The following ARHGAP26 variants were observed in gnomAD, a reference collection of about 807,000 sequenced individuals.
The protein encoded by ARHGAP26 is rho GTPase-activating protein 26.
ARHGAP26 carries 38 observed loss-of-function variants against 104.8 expected under a neutral mutation model. That is an observed-to-expected ratio of 0.36 (90% CI 0.28 to 0.48). The LOEUF (loss-of-function observed/expected upper bound fraction) is 0.48, where lower values mean the gene tolerates loss of function less well. Among genes scored for constraint, ARHGAP26 ranks in the 20% least tolerant of loss-of-function variants. The probability of loss-of-function intolerance (pLI) is 0.99; values close to 1 mark genes in which losing one functional copy is unlikely to be tolerated. For missense variants in ARHGAP26, 704 were observed against 947.9 expected (o/e 0.74, Z 3.38); for synonymous variants, 341 against 340.0 (o/e 1.00, Z -0.03).
intron 19 of ARHGAP26, among the ~76,000 whole-genome samples, chr5:143,140,338 T>A (rs79042882): frequency 0.015 from 2,301 of 152,298 alleles, 20 homozygotes; most frequent in Middle Eastern, 0.027. Context: ...CAGACTGAGA[T>A]GTTTTAATGT....
chr5:142,814,233 A>T (rs1419602117), intron 1 of ARHGAP26, among the ~76,000 whole-genome samples: 1 of 152,260 alleles, frequency 6.6e-6, no homozygotes, highest in Admixed American at 6.5e-5. Flanking sequence ...AACTTTGTCA[A>T]GAGTTGGGAA....
At position 142,873,115 on chromosome 5, in the gene ARHGAP26, A is replaced by T. The variant is rs143907745; in HGVS notation, c.155-285A>T. On this transcript the variant is annotated intron_variant, in intron 1 of 22. Transcript: ENST00000645722. ...CTCCCCGACTTCCTTTGGCAAGTGG[A>T]TTCCCACATGTCAAACGGAGATGAC... 3.5e-4 allele frequency among the ~76,000 whole-genome samples: 54 copies of T among 152,372 alleles called. 1 individual carries two copies. The East Asian group carries it at 9.6e-3, about 27-fold the overall frequency.
At chr5:143,100,369 A>T (rs539268436) in intron 17 of ARHGAP26, among the ~76,000 whole-genome samples, 3 of 152,236 alleles carry the variant, frequency 2.0e-5, no homozygotes, top group Non-Finnish European at 2.9e-5. Flanking sequence ...CATGGCCTAC[A>T]TTGTGTGGGA....
chr5:143,026,780 G>A (rs985717836), intron 12 of ARHGAP26, among the ~76,000 whole-genome samples: 1 of 93,756 alleles, frequency 1.1e-5, no homozygotes, highest in Admixed American at 1.7e-4. Context: ...CTGCTGGTGG[G>A]GAATAAACCG....
intron 11 of ARHGAP26, among the ~76,000 whole-genome samples, chr5:143,001,369 T>A (rs573683553): frequency 6.6e-5 from 10 of 152,336 alleles, no homozygotes; most frequent in Admixed American, 2.6e-4. Flanking sequence ...TTAGATGATA[T>A]GTGTTCTGAA....
intron 7 of ARHGAP26, among the ~76,000 whole-genome samples, chr5:142,903,090 G>C (rs1562049009): frequency 6.6e-6 from 1 of 152,180 alleles, no homozygotes; most frequent in Non-Finnish European, 1.5e-5. Context: ...GGTGCAGGCT[G>C]ACCTTGAGTG....
intron 10 of ARHGAP26, among the ~76,000 whole-genome samples, chr5:142,916,473 G>C (rs962966219): frequency 5.3e-5 from 8 of 152,184 alleles, no homozygotes; most frequent in Non-Finnish European, 8.8e-5. Context: ...CTGAGACCCT[G>C]AAATCCATAT....
chr5:142,929,625 T>C (rs1464114211), intron 10 of ARHGAP26, among the ~76,000 whole-genome samples: 1 of 152,202 alleles, frequency 6.6e-6, no homozygotes, highest in East Asian at 1.9e-4. Context: ...TGTATTTTGA[T>C]ATTTCTTCTT....
At chr5:142,995,884 CTA>C (rs994765872) in intron 11 of ARHGAP26, among the ~76,000 whole-genome samples, 59 of 152,244 alleles carry the variant, frequency 3.9e-4, no homozygotes, top group African/African-American at 1.3e-3. Flanking sequence ...AAGCTGGAAA[CTA>C]TCATTCTCAG....
intron 21 of ARHGAP26, among the ~76,000 whole-genome samples, chr5:143,207,833 A>G (rs1562612516): frequency 6.6e-6 from 1 of 152,224 alleles, no homozygotes; most frequent in African/African-American, 2.4e-5. Flanking sequence ...GCGTCAGGCA[A>G]TATTTATTTG....
intron 20 of ARHGAP26, among the ~76,000 whole-genome samples, chr5:143,193,743 T>C (rs1010010643): frequency 5.3e-5 from 8 of 152,356 alleles, no homozygotes; most frequent in South Asian, 2.1e-4. Context: ...TACAGTAAGA[T>C]ATTTTGAGAC....
intron 20 of ARHGAP26, chr5:143,192,534 T>G (rs1806098046): frequency 1.3e-5 from 2 of 152,268 alleles, no homozygotes; most frequent in African/African-American, 2.4e-5. Flanking sequence ...CTAAATAATA[T>G]TCTCAGTTTT....
chr5:142,933,097 A>G (rs989915171), intron 11 of ARHGAP26, among the ~76,000 whole-genome samples: 8 of 152,252 alleles, frequency 5.3e-5, no homozygotes, highest in Non-Finnish European at 8.8e-5. Flanking sequence ...AATATAAGAT[A>G]GCTCTGATTA....
chr5:143,014,517 G>T (rs1330635379), intron 12 of ARHGAP26: 2 of 185,026 alleles, frequency 1.1e-5, no homozygotes, highest in Non-Finnish European at 2.2e-5. Context: ...GCACGGTCTC[G>T]CTCAAAGGAC....
chr5:143,213,339 C>T (rs1275379895), intron 21 of ARHGAP26, among the ~76,000 whole-genome samples: 1 of 152,158 alleles, frequency 6.6e-6, no homozygotes, highest in Non-Finnish European at 1.5e-5. Flanking sequence ...TCTTCCTCCT[C>T]CCCACACTCC....
intron 20 of ARHGAP26, among the ~76,000 whole-genome samples, chr5:143,148,966 G>C (rs921098948): frequency 7.9e-5 from 12 of 152,138 alleles, no homozygotes; most frequent in African/African-American, 2.9e-4. Context: ...GGTAACTGTG[G>C]GCCCCTGAGT....
intron 4 of ARHGAP26, among the ~76,000 whole-genome samples, chr5:142,880,698 G>T (rs1484128781): frequency 6.6e-6 from 1 of 151,094 alleles, no homozygotes; most frequent in Non-Finnish European, 1.5e-5. Context: ...CCACCTGCAG[G>T]GGCTTTTGGG....
chr5:142,840,935 A>G (rs34267203), intron 1 of ARHGAP26, among the ~76,000 whole-genome samples: 15,525 of 152,246 alleles, frequency 0.1, 1,489 homozygotes, highest in African/African-American at 0.25. Context: ...CAGTAAACAC[A>G]TGGAATTTAT....
At chr5:143,052,631 CAT>C (rs976352235) in intron 14 of ARHGAP26, among the ~76,000 whole-genome samples, 2 of 152,154 alleles carry the variant, frequency 1.3e-5, no homozygotes, top group Admixed American at 6.5e-5. Flanking sequence ...TTTCCTCTCT[CAT>C]AACCCAGTAT....
Sources: gnomAD v4.1 joint callset for allele counts (sites outside exome capture counted in the v4.1 genomes callset) on GRCh38, gnomAD v4.1.1 for gene constraint, MANE v1.5 for transcripts, NCBI Gene and HGNC (gene_info 2026-07-23, HGNC 2026-07-21) for gene names.